TRMT9B: variants seen among roughly 807,000 people sequenced by gnomAD.
TRMT9B encodes the protein probable tRNA methyltransferase 9B.
TRMT9B carries 16 observed loss-of-function variants against 11.5 expected under a neutral mutation model. The ratio of observed to expected loss-of-function variants is 1.39; its 90% confidence interval spans 0.94 to 2.11. The LOEUF is 2.11. Among genes scored for constraint, TRMT9B ranks in the 30% most tolerant of loss-of-function variants. The pLI, the probability that TRMT9B is intolerant of heterozygous loss-of-function variation, is 0.00. For missense variants in TRMT9B, 941 were observed against 553.8 expected, an observed-to-expected ratio of 1.70 and a Z score of -7.02; for synonymous variants, 274 against 192.4, an observed-to-expected ratio of 1.42 and a Z score of -3.51.
chr8:13,020,230 A>C (rs969043559), intron 4 of TRMT9B, among the ~76,000 whole-genome samples: 10 of 152,312 alleles, frequency 6.6e-5, no homozygotes, highest in African/African-American at 2.4e-4. Flanking sequence ...TGGTGCATCT[A>C]TGTAGGGAAA....
rs549322314 is a variant in TRMT9B at position 13,021,499 on chromosome 8, A to C, written c.820A>C (p.Thr274Pro). 19 of 1,613,644 alleles carry C rather than the reference A, an allele frequency of 1.2e-5. No homozygotes were observed. In the South Asian group the frequency reaches 2.0e-4, roughly 17 times the overall value. The change falls in exon 5 of 5, where the codon ACA (threonine) becomes CCA (proline). Residue 274 changes from threonine to proline, a missense_variant. Physicochemically the swap from Thr to Pro is conservative, Grantham distance 38. Transcript: ENST00000524591. ...QIERVRPLKN[T>P]EVWASSTVTV... ...TGAAAGAGTAAGACCCTTGAAAAAC[A>C]CAGAAGTTTGGGCCAGTAGCACTGT...
intron 1 of TRMT9B, among the ~76,000 whole-genome samples, chr8:12,984,938 A>T (rs1805999353): frequency 7.3e-6 from 1 of 136,792 alleles, no homozygotes; most frequent in Non-Finnish European, 1.6e-5. Context: ...TCCTCTTACA[A>T]CCACCTCCCT....
chr8:12,976,050 G>A (rs1347293343), intron 1 of TRMT9B, among the ~76,000 whole-genome samples: 1 of 152,170 alleles, frequency 6.6e-6, no homozygotes, highest in African/African-American at 2.4e-5. Context: ...AAATATGAAG[G>A]ACATAGAAAG....
chr8:12,963,884 G>C (rs923834173), intron 1 of TRMT9B, among the ~76,000 whole-genome samples: 50 of 152,298 alleles, frequency 3.3e-4, no homozygotes, highest in African/African-American at 1.2e-3. Flanking sequence ...CTGTGGACAT[G>C]TGGAATCAGC....
intron 1 of TRMT9B, among the ~76,000 whole-genome samples, chr8:12,981,248 G>A (rs180713782): frequency 1.3e-5 from 2 of 152,322 alleles, no homozygotes; most frequent in East Asian, 1.9e-4. Flanking sequence ...GAAACAACAC[G>A]TTGATTTACA....
intron 1 of TRMT9B, among the ~76,000 whole-genome samples, chr8:12,990,616 A>G (rs1807166873): frequency 1.3e-5 from 2 of 152,200 alleles, no homozygotes; most frequent in Non-Finnish European, 2.9e-5. Context: ...TTTAGGAGAA[A>G]GTATTGTATG....
At chr8:12,949,224 G>T (rs1800420474) in intron 1 of TRMT9B, among the ~76,000 whole-genome samples, 1 of 151,626 alleles carries the variant, frequency 6.6e-6, no homozygotes, top group African/African-American at 2.4e-5. Context: ...CCATAGGATT[G>T]GTTATGACTA....
chr8:13,006,075 A>G, intron 2 of TRMT9B, 127 bp from the exon 3 acceptor site: 2 of 823,020 alleles, frequency 2.4e-6, no homozygotes, highest in Non-Finnish European at 3.7e-6. Context: ...GCAGCTTATA[A>G]GAAAGTGTGC....
chr8:12,982,197 G>A (rs1805510003), intron 1 of TRMT9B, among the ~76,000 whole-genome samples: 1 of 152,170 alleles, frequency 6.6e-6, no homozygotes, highest in Non-Finnish European at 1.5e-5. Flanking sequence ...CAATCTGCAA[G>A]AGTGGGAAAT....
intron 1 of TRMT9B, among the ~76,000 whole-genome samples, chr8:12,977,945 C>T (rs1804722511): frequency 6.6e-6 from 1 of 152,136 alleles, no homozygotes; most frequent in Non-Finnish European, 1.5e-5. Context: ...GGGAAGACTG[C>T]TTGAGCCTGG....
At chr8:13,014,667 G>C (rs1812289155) in intron 4 of TRMT9B, among the ~76,000 whole-genome samples, 1 of 152,166 alleles carries the variant, frequency 6.6e-6, no homozygotes, top group South Asian at 2.1e-4. Context: ...CTATAACCCG[G>C]AGAAAACCTT....
intron 4 of TRMT9B, among the ~76,000 whole-genome samples, chr8:13,016,504 C>T (rs1470989953): frequency 1.3e-5 from 2 of 151,126 alleles, no homozygotes; most frequent in African/African-American, 2.4e-5. Context: ...GTTGGCACTT[C>T]CTGCTTAACA....
chr8:12,984,515 G>T lies in TRMT9B; in HGVS notation c.-199-6319G>T, dbSNP rs1805936740. ...CAGTAAAATGACTTTGGGATTACTT[G>T]TCCTCCATCCTGCCTAAACCTTCTT... On this transcript the variant is annotated intron_variant, in intron 1 of 4. Transcript: ENST00000524591. Among the ~76,000 whole-genome samples the T allele has an allele frequency of 2.6e-5, 4 of 152,188 alleles. No homozygotes were observed. In the South Asian group the frequency reaches 8.3e-4, roughly 32 times the overall value.
chr8:13,006,378 T>C (rs1810470022), intron 3 of TRMT9B, 22 bp downstream of exon 3: 1 of 1,562,456 alleles, frequency 6.4e-7, no homozygotes, highest in Non-Finnish European at 8.6e-7. Context: ...GCCTCATCGC[T>C]GACATAGGTA....
intron 1 of TRMT9B, among the ~76,000 whole-genome samples, chr8:12,947,260 C>A (rs1800312156): frequency 6.6e-6 from 1 of 152,180 alleles, no homozygotes; most frequent in South Asian, 2.1e-4. Flanking sequence ...GAACACACCT[C>A]ACAATTTCTT....
At chr8:12,957,561 G>T (rs1405223971) in intron 1 of TRMT9B, among the ~76,000 whole-genome samples, 5 of 152,094 alleles carry the variant, frequency 3.3e-5, no homozygotes, top group Admixed American at 1.3e-4. Flanking sequence ...TAGATCTAGG[G>T]TGATCAGATG....
Sources: gnomAD v4.1 joint callset for allele counts (sites outside exome capture counted in the v4.1 genomes callset) on GRCh38, gnomAD v4.1.1 for gene constraint, MANE v1.5 for transcripts, NCBI Gene and HGNC (gene_info 2026-07-23, HGNC 2026-07-21) for gene names.